The following MAML2 variants were observed in gnomAD, a reference collection of about 807,000 sequenced individuals.
MAML2 encodes the protein mastermind-like protein 2.
A neutral mutation model predicts 96.1 loss-of-function variants in MAML2; 22 were observed. That is an observed-to-expected ratio of 0.23 (90% confidence interval 0.16 to 0.33). The LOEUF (loss-of-function observed/expected upper bound fraction) is 0.33. Among genes scored for constraint, MAML2 ranks in the 10% least tolerant of loss-of-function variants. The probability of loss-of-function intolerance (pLI) is 1.00; values close to 1 mark genes in which losing one functional copy is unlikely to be tolerated. For synonymous variants in MAML2, 561 were observed against 521.3 expected, an observed-to-expected ratio of 1.08 and a Z score of -1.04; for missense variants, 1,367 against 1,392.4, an observed-to-expected ratio of 0.98 and a Z score of 0.29.
chr11:96,203,908 G>A (rs1172713398), intron 1 of MAML2, among the ~76,000 whole-genome samples: 2 of 152,194 alleles, frequency 1.3e-5, no homozygotes, highest in Non-Finnish European at 2.9e-5. Flanking sequence ...TACTGTATTA[G>A]TGAGTGCTCT....
At chr11:95,990,862 A>G (rs1857897892) in intron 3 of MAML2, among the ~76,000 whole-genome samples, 2 of 152,152 alleles carry the variant, frequency 1.3e-5, no homozygotes, top group African/African-American at 4.8e-5. Context: ...TGAGCAGATA[A>G]ATACTGAAGG....
At chr11:96,219,178 T>C (rs1183789561) in intron 1 of MAML2, among the ~76,000 whole-genome samples, 4 of 152,236 alleles carry the variant, frequency 2.6e-5, no homozygotes, top group Non-Finnish European at 5.9e-5. Context: ...GCCCTTCACA[T>C]ACTGGGCACT....
At chr11:96,163,862 C>T (rs201274205) in intron 1 of MAML2, among the ~76,000 whole-genome samples, 3 of 122,316 alleles carry the variant, frequency 2.5e-5, no homozygotes, top group African/African-American at 3.1e-5. Flanking sequence ...TTCTCTCTTT[C>T]TTTTTTTTTT....
intron 1 of MAML2, among the ~76,000 whole-genome samples, chr11:96,124,831 T>C (rs912293094): frequency 2.0e-5 from 3 of 152,162 alleles, no homozygotes; most frequent in African/African-American, 7.2e-5. Context: ...AGGAATCAAA[T>C]GCAAAACCTG....
intron 1 of MAML2, among the ~76,000 whole-genome samples, chr11:96,301,068 C>T (rs1183999632): frequency 2.6e-5 from 4 of 152,162 alleles, no homozygotes; most frequent in African/African-American, 7.2e-5. Context: ...TATAACTAGC[C>T]TTATGGTTTG....
chr11:96,065,967 C>G (rs1859237966), intron 2 of MAML2, among the ~76,000 whole-genome samples: 1 of 152,192 alleles, frequency 6.6e-6, no homozygotes, highest in Non-Finnish European at 1.5e-5. Context: ...TTGATCCACA[C>G]ATTCTCCTGC....
At chr11:96,001,712 A>G (rs1186611459) in intron 2 of MAML2, among the ~76,000 whole-genome samples, 4 of 152,074 alleles carry the variant, frequency 2.6e-5, no homozygotes, top group Non-Finnish European at 1.5e-5. Flanking sequence ...CAGCCTCTAC[A>G]CTGTACTCCC....
intron 1 of MAML2, among the ~76,000 whole-genome samples, chr11:96,305,242 A>C (rs1245460135): frequency 1.3e-5 from 2 of 152,206 alleles, no homozygotes; most frequent in Non-Finnish European, 2.9e-5. Context: ...GGATTTTTAG[A>C]GCAGTAAAAT....
chr11:96,271,046 T>C (rs4356185), intron 1 of MAML2, among the ~76,000 whole-genome samples: 25,588 of 152,138 alleles, frequency 0.17, 2,622 homozygotes, highest in African/African-American at 0.26. Context: ...CCAAATTCTT[T>C]AGCTTCTCGA....
intron 2 of MAML2, among the ~76,000 whole-genome samples, chr11:96,035,381 C>A (rs1481044206): frequency 6.6e-6 from 1 of 152,184 alleles, no homozygotes; most frequent in Non-Finnish European, 1.5e-5. Context: ...TCTCACAGCA[C>A]CTTCTTTTGG....
In MAML2 at chr11:96,098,467, G is replaced by A. The variant is rs144504143; in HGVS notation, c.514-4950C>T. On this transcript the variant is annotated intron_variant, in intron 1 of 4. Transcript: ENST00000524717. Reference sequence around the variant, plus strand: ...TGATAAATCTGTGCCCCACAATTACGTTTAATTCATGAGACTGTGCATTTA... The same window carrying A: ...TGATAAATCTGTGCCCCACAATTACATTTAATTCATGAGACTGTGCATTTA... Among the ~76,000 whole-genome samples, 154 of 152,278 alleles carry A rather than the reference G, an allele frequency of 1.0e-3. 4 individuals carry two copies. In the East Asian group the frequency reaches 0.024, roughly 24 times the overall value.
chr11:96,309,448 GATC>G (rs1863507358), intron 1 of MAML2, among the ~76,000 whole-genome samples: 4 of 152,204 alleles, frequency 2.6e-5, no homozygotes. Context: ...GGATTGCTAA[GATC>G]ATCATGGATG....
intron 1 of MAML2, among the ~76,000 whole-genome samples, chr11:96,297,349 C>T (rs781730127): frequency 9.9e-5 from 15 of 152,054 alleles, no homozygotes; most frequent in South Asian, 2.1e-4. Context: ...CCAAGGCAGG[C>T]GGATCACTTG....
intron 1 of MAML2, among the ~76,000 whole-genome samples, chr11:96,319,029 A>ATG (rs1367132492): frequency 6.6e-6 from 1 of 152,178 alleles, no homozygotes; most frequent in Non-Finnish European, 1.5e-5. Flanking sequence ...AGAAGAGAAA[A>ATG]TGTGTGACTT....
In MAML2 at chr11:96,341,985, G is replaced by T; in HGVS notation, c.-90C>A. The T allele has an allele frequency of 7.7e-7, 1 of 1,299,720 alleles. No homozygotes were observed. The highest frequency in any genetic ancestry group is 1.0e-6 in the Non-Finnish European group (1 of 973,976). The allele number at this position is 1,299,720 out of a possible 1,614,324, so 80.5% of individuals were successfully genotyped here. ...TGCAGGCAAGTCTGTTTTTGACAATGTGAGCTCAGTGTTCAGGGCCACATG... is the reference window on the plus strand; with the variant it reads ...TGCAGGCAAGTCTGTTTTTGACAATTTGAGCTCAGTGTTCAGGGCCACATG... On this transcript the variant is annotated 5_prime_UTR_variant, in exon 1 of 5. Transcript: ENST00000524717.
At chr11:96,067,846 C>T (rs1859269349) in intron 2 of MAML2, among the ~76,000 whole-genome samples, 1 of 152,130 alleles carries the variant, frequency 6.6e-6, no homozygotes, top group South Asian at 2.1e-4. Flanking sequence ...TTATATTTTG[C>T]AAGCTTGTGT....
intron 2 of MAML2, among the ~76,000 whole-genome samples, chr11:96,063,313 A>G (rs1473068950): frequency 6.6e-6 from 1 of 151,992 alleles, no homozygotes; most frequent in Non-Finnish European, 1.5e-5. Flanking sequence ...TCTTTGTTTT[A>G]TTACTCACTC....
chr11:95,993,125 G>T (rs1857939009), intron 2 of MAML2, among the ~76,000 whole-genome samples: 1 of 151,088 alleles, frequency 6.6e-6, no homozygotes, highest in African/African-American at 2.4e-5. Context: ...GCCCAGGCTG[G>T]TCTCAAAGTC....
At chr11:96,060,113 A>T (rs1283744760) in intron 2 of MAML2, among the ~76,000 whole-genome samples, 1 of 152,214 alleles carries the variant, frequency 6.6e-6, no homozygotes, top group Non-Finnish European at 1.5e-5. Context: ...AAGGAATAAG[A>T]GCTTCATGTG....
Sources: gnomAD v4.1 joint callset for allele counts (sites outside exome capture counted in the v4.1 genomes callset) on GRCh38, gnomAD v4.1.1 for gene constraint, MANE v1.5 for transcripts, NCBI Gene and HGNC (gene_info 2026-07-23, HGNC 2026-07-21) for gene names.